Variants in KIF19 observed in about 807,000 individuals in gnomAD.
The protein encoded by KIF19 is kinesin-like protein KIF19.
A neutral mutation model predicts 106.6 loss-of-function variants in KIF19; 98 were observed. The observed-to-expected ratio is 0.92, with a 90% CI of 0.78 to 1.09. The LOEUF (loss-of-function observed/expected upper bound fraction) is 1.09, where lower values mean the gene tolerates loss of function less well. Among genes scored for constraint, KIF19 ranks in the 50% least tolerant of loss-of-function variants. The pLI is 0.00. For synonymous variants in KIF19, 516 were observed against 584.2 expected, an observed-to-expected ratio of 0.88 and a Z score of 1.68; for missense variants, 1,373 against 1,414.3, an observed-to-expected ratio of 0.97 and a Z score of 0.47.
intron 5 of KIF19, among the ~76,000 whole-genome samples, chr17:74,343,870 G>T (rs191015768): frequency 2.6e-5 from 4 of 152,052 alleles, no homozygotes; most frequent in Admixed American, 6.6e-5. Flanking sequence ...CTGGTCATTT[G>T]TCAGGTCCCC....
At chr17:74,326,791 C>T (rs2053923992) in intron 1 of KIF19, among the ~76,000 whole-genome samples, 1 of 152,138 alleles carries the variant, frequency 6.6e-6, no homozygotes, top group African/African-American at 2.4e-5. Context: ...CTGGTGAGGT[C>T]AGGAGTTTAA....
Position 74,352,111 on chromosome 17 carries a change from T to A in KIF19, c.1832T>A (p.Ile611Asn). 4 of 1,586,486 alleles carry A rather than the reference T, an allele frequency of 2.5e-6. No homozygotes were observed. The highest frequency in any genetic ancestry group is 3.4e-6 in the Non-Finnish European group (4 of 1,164,034). Residue 611 changes from isoleucine to asparagine, a missense_variant, in exon 13 of 20, where the codon ATC (isoleucine) becomes AAC (asparagine). By Grantham distance (149) the Ile-to-Asn change is moderately radical. Coordinates refer to ENST00000389916, the MANE Select transcript of KIF19 (RefSeq NM_153209.4). ...CACCGCAGTCTCTGCGACGAGATTA[T>A]CCAGGGCCAGCGGCAGATCATCGAC... is the stretch of plus-strand genomic sequence containing the variant. Reference protein sequence around the residue: ...EQHRSLCDEIIQGQRQIIDDY... With the variant: ...EQHRSLCDEINQGQRQIIDDY...
In KIF19 at chr17:74,338,238, G is replaced by A. The variant is rs532968612; in HGVS notation, c.121-3638G>A. On this transcript the variant is annotated intron_variant, in intron 2 of 19. Transcript: ENST00000389916. ...GGGATGAGAGCGGGAGCAGCTGGCT[G>A]GGTTCTGGTTGCATCCCATGGGGAC... 1.1e-4 allele frequency among the ~76,000 whole-genome samples: 16 copies of A among 152,378 alleles called. No individual in the cohort carries two copies. In the South Asian group the frequency reaches 3.3e-3, roughly 32 times the overall value.
At position 74,328,429 on chromosome 17, in the gene KIF19, C is replaced by A. The variant is rs370336937; in HGVS notation, c.44C>A (p.Ala15Glu). 10 of 1,606,196 alleles carry A rather than the reference C, an allele frequency of 6.2e-6. No homozygotes were observed. The African/African-American group carries it at 1.3e-4, about 21-fold the overall frequency. ...GGGCTTGGTTTTCCCTCCCAGGTGG[C>A]GCTTCGGGTCCGGCCCATCAGCGTG... Reference protein sequence around the residue: ...GDSKDQQLMVALRVRPISVAE... With the variant: ...GDSKDQQLMVELRVRPISVAE... The change falls in exon 2 of 20, where the codon GCG becomes GAG. Residue 15 changes from alanine (A) to glutamate (E), a missense_variant. Coordinates refer to ENST00000389916, the MANE Select transcript of KIF19 (RefSeq NM_153209.4).
intron 2 of KIF19, among the ~76,000 whole-genome samples, chr17:74,338,197 C>T (rs1028913608): frequency 1.3e-5 from 2 of 152,274 alleles, no homozygotes; most frequent in Non-Finnish European, 2.9e-5. Context: ...CCCGTGTCCA[C>T]AGGAACACCG....
chr17:74,355,523 A>T lies in KIF19; in HGVS notation c.*211A>T. The T allele has an allele frequency of 3.3e-6, 2 of 614,410 alleles. No homozygotes were observed. The highest frequency in any genetic ancestry group is 6.6e-5 in the Admixed American group (2 of 30,078). 38.1% of individuals were successfully genotyped at this position (614,410 alleles called of 1,614,324 possible). The stretch of plus-strand genomic sequence containing the variant: ...GGGAAAAGAGGTGAGGCCAGGGGAC[A>T]TGGCCAGGACGGCTGGGCTCCCTGG... On this transcript the variant is annotated 3_prime_UTR_variant, in exon 20 of 20. Coordinates refer to ENST00000389916, the MANE Select transcript of KIF19 (RefSeq NM_153209.4).
intron 2 of KIF19, among the ~76,000 whole-genome samples, chr17:74,332,092 C>T (rs1317000276): frequency 6.6e-6 from 1 of 151,988 alleles, no homozygotes; most frequent in Non-Finnish European, 1.5e-5. Context: ...CTTCGGGTCC[C>T]AGAGGTAAAC....
rs778580026 is a variant in KIF19, at chr17:74,342,030, C to G, written c.231+44C>G. The G allele has an allele frequency of 5.8e-6, 7 of 1,201,018 alleles. No individual in the cohort carries two copies. The East Asian group carries it at 7.2e-5, about 12-fold the overall frequency. 74.4% of individuals were successfully genotyped at this position (1,201,018 alleles called of 1,614,324 possible). The stretch of plus-strand genomic sequence containing the variant: ...TGGAGACACGCAGGAGCCCCTCCCC[C>G]ACCCTTAGCCCCACTCAGGAGGGGC... On this transcript the variant is annotated intron_variant, in intron 3 of 19. Coordinates refer to ENST00000389916, the MANE Select transcript of KIF19 (RefSeq NM_153209.4).
chr17:74,344,110 G>A, intron 5 of KIF19, 113 bp from the exon 6 acceptor site: 1 of 1,024,370 alleles, frequency 9.8e-7, no homozygotes, highest in Non-Finnish European at 1.4e-6. Context: ...CTGGGCTCAG[G>A]AAGGGTGAAC....
chr17:74,350,614 G>A, intron 11 of KIF19, 39 bp downstream of exon 11: 1 of 1,610,428 alleles, frequency 6.2e-7, no homozygotes, highest in Admixed American at 1.7e-5. Context: ...CCCCACCCCT[G>A]TGCCTGGGAC....
chr17:74,342,178 A>G (rs1030056116), intron 3 of KIF19, among the ~76,000 whole-genome samples, 192 bp downstream of exon 3: 11 of 152,270 alleles, frequency 7.2e-5, no homozygotes, highest in African/African-American at 1.9e-4. Flanking sequence ...GCCTCCTGCA[A>G]GGATGCACTG....
rs114278004 is a variant in KIF19 at position 74,337,936 on chromosome 17, G to A, written c.121-3940G>A. On this transcript the variant is annotated intron_variant, in intron 2 of 19. Transcript: ENST00000389916. Reference sequence around the variant, plus strand: ...AGGGTGATGCTCTCGAGGGTGGGGCGGGGGCTGGAGCCCGGACAGATGGAA... The same window carrying A: ...AGGGTGATGCTCTCGAGGGTGGGGCAGGGGCTGGAGCCCGGACAGATGGAA... Among the ~76,000 whole-genome samples, 1,378 of 152,336 alleles carry A rather than the reference G, an allele frequency of 9.0e-3. 23 individuals carry two copies. The highest frequency in any genetic ancestry group is 0.031 in the African/African-American group (1,283 of 41,570).
chr17:74,350,221 A>G (rs909524976), intron 10 of KIF19, among the ~76,000 whole-genome samples, 180 bp from the exon 11 acceptor site: 2 of 152,146 alleles, frequency 1.3e-5, no homozygotes, highest in Admixed American at 6.6e-5. Flanking sequence ...TGAAGACTCA[A>G]TGTGGGAGTG....
Position 74,353,200 on chromosome 17 carries a change from G to C in KIF19, c.2119G>C (p.Gly707Arg). 1.3e-6 allele frequency: 2 copies of C among 1,583,146 alleles called. No individual in the cohort carries two copies. The highest frequency in any genetic ancestry group is 2.3e-5 in the South Asian group (2 of 86,322). Residue 707 changes from glycine (G) to arginine (R), a missense_variant, in exon 16 of 20, where the codon GGC becomes CGC. By Grantham distance (125) the Gly-to-Arg change is moderately radical (BLOSUM62 -2). Around this residue, in one of 3 missense-constraint regions of KIF19, gnomAD observed 1,020 missense variants for 1,008.2 expected, o/e 1.01. Transcript: ENST00000389916. ...ALPPLSTESE[G>R]HHVFKAGTGA... ...ATCTTCCTCTGCCAACTTCAGTGAA[G>C]GCCACCACGTGTTCAAGGCTGGTAC... is the stretch of plus-strand genomic sequence containing the variant.
At chr17:74,352,432 C>A in intron 14 of KIF19, 92 bp downstream of exon 14, 1 of 1,442,562 alleles carries the variant, frequency 6.9e-7, no homozygotes, top group Non-Finnish European at 9.2e-7. Context: ...CTGGAGGGGA[C>A]AGGACCAGGC....
At chr17:74,347,276 C>T (rs1403164974) in intron 8 of KIF19, among the ~76,000 whole-genome samples, 1 of 152,130 alleles carries the variant, frequency 6.6e-6, no homozygotes, top group Non-Finnish European at 1.5e-5. Context: ...GTGGCTCACG[C>T]CTGGAATCCC....
At position 74,349,241 on chromosome 17, in the gene KIF19, G is replaced by A. The variant is rs376163873; in HGVS notation, c.1105G>A (p.Ala369Thr). 8 of 1,613,594 alleles carry A rather than the reference G, an allele frequency of 5.0e-6. No individual in the cohort carries two copies. The highest frequency in any genetic ancestry group is 4.5e-5 in the East Asian group (2 of 44,896). ...CATCGCCCAGTACACCAGCATCATC[G>A]CTGACCTGCGGGGCGAGATCCAGCG... Reference protein sequence around the residue: ...YHIAQYTSIIADLRGEIQRLK... With the variant: ...YHIAQYTSIITDLRGEIQRLK... Residue 369 changes from alanine (A) to threonine (T), a missense_variant, in exon 10 of 20, where the codon GCT (alanine) becomes ACT (threonine). Coordinates refer to ENST00000389916, the MANE Select transcript of KIF19 (RefSeq NM_153209.4).
chr17:74,335,453 C>T (rs1040475370), intron 2 of KIF19, among the ~76,000 whole-genome samples: 4 of 152,254 alleles, frequency 2.6e-5, no homozygotes, highest in Non-Finnish European at 5.9e-5. Context: ...CCTGGTCCCC[C>T]GATAGGGACA....
chr17:74,352,610 C>T (rs1484058457), intron 14 of KIF19, among the ~76,000 whole-genome samples: 1 of 152,154 alleles, frequency 6.6e-6, no homozygotes, highest in Non-Finnish European at 1.5e-5. Flanking sequence ...GCTCCAGCTG[C>T]CCTCCCAGGA....
Sources: allele counts gnomAD v4.1 joint callset (sites outside exome capture counted in the v4.1 genomes callset), GRCh38; gene constraint gnomAD v4.1.1; regional missense constraint gnomAD v4.1.1; transcripts MANE v1.5; gene names NCBI Gene and HGNC (gene_info 2026-07-23, HGNC 2026-07-21).